Variants in NDUFC1 observed in about 807,000 individuals in gnomAD.
NDUFC1 encodes the protein NADH dehydrogenase [ubiquinone] 1 subunit C1, mitochondrial.
NDUFC1 carries 11 observed loss-of-function variants against 11.6 expected under a neutral mutation model. That is an observed-to-expected ratio of 0.95 (90% CI 0.60 to 1.58). NDUFC1 has a LOEUF of 1.58. Among genes scored for constraint, NDUFC1 ranks in the 40% most tolerant of loss-of-function variants. NDUFC1 has a pLI of 0.00. For missense variants in NDUFC1, 112 were observed against 93.0 expected (o/e 1.20, Z -0.84); for synonymous variants, 52 against 42.2 (o/e 1.23, Z -0.90).
chr4:139,298,540 G>C (rs909120866), intron 1 of NDUFC1, among the ~76,000 whole-genome samples: 2 of 151,496 alleles, frequency 1.3e-5, no homozygotes, highest in Non-Finnish European at 2.9e-5. Flanking sequence ...GATTGCTTAA[G>C]CCCAGGAGTT....
At chr4:139,301,978 C>G in intron 1 of NDUFC1, 1 of 842,374 alleles carries the variant, frequency 1.2e-6, no homozygotes, top group African/African-American at 1.7e-5. Flanking sequence ...CATTGCTTTG[C>G]TCCCTCTCTG....
Position 139,299,521 on chromosome 4 carries a change from T to G in NDUFC1, c.-221-2078A>C, listed in dbSNP as rs1745615678. On this transcript the variant is annotated intron_variant, in intron 1 of 5. Transcript: ENST00000394223. ...GCAGCAGCAGCGGCAGCATATAGCC[T>G]TGGATATGTTAACTTTCTGAAAGCA... Among the ~76,000 whole-genome samples, 3 of 152,202 alleles carry G rather than the reference T, an allele frequency of 2.0e-5. No homozygotes were observed. In the South Asian group the frequency reaches 6.2e-4, roughly 32 times the overall value.
At chr4:139,301,094 C>G (rs1260114509) in intron 1 of NDUFC1, 1 of 155,048 alleles carries the variant, frequency 6.4e-6, no homozygotes, top group Non-Finnish European at 1.4e-5. Flanking sequence ...TCCACTCCGC[C>G]TCTGCTCCTT....
At chr4:139,293,683 G>A (rs866047158) in intron 4 of NDUFC1, among the ~76,000 whole-genome samples, 1 of 152,152 alleles carries the variant, frequency 6.6e-6, no homozygotes, top group South Asian at 2.1e-4. Flanking sequence ...AAACCCATTA[G>A]ATAAAAAACA....
chr4:139,291,316 C>T (rs535412070), intron 5 of NDUFC1, among the ~76,000 whole-genome samples: 103 of 151,990 alleles, frequency 6.8e-4, no homozygotes, highest in African/African-American at 2.3e-3. Flanking sequence ...GTGGCTCACG[C>T]CTGTAATCCC....
At chr4:139,294,841 A>G (rs1468110085) in intron 4 of NDUFC1, among the ~76,000 whole-genome samples, 1 of 152,088 alleles carries the variant, frequency 6.6e-6, no homozygotes, top group African/African-American at 2.4e-5. Flanking sequence ...TACTTTTTCA[A>G]TGTTGCTGAA....
intron 1 of NDUFC1, 58 bp from the exon 2 acceptor site, chr4:139,297,501 G>A (rs534644660): frequency 2.0e-5 from 3 of 152,248 alleles, no homozygotes; most frequent in East Asian, 3.9e-4. Flanking sequence ...ATAATATTTT[G>A]TTAGAAGTTG....
At chr4:139,297,146 T>G (rs1157885049) in intron 2 of NDUFC1, among the ~76,000 whole-genome samples, 1 of 152,208 alleles carries the variant, frequency 6.6e-6, no homozygotes. Context: ...ACCTGTCAGT[T>G]GTATATCCTT....
intron 1 of NDUFC1, chr4:139,301,687 C>G: frequency 6.9e-7 from 1 of 1,443,780 alleles, no homozygotes; most frequent in South Asian, 1.3e-5. Flanking sequence ...ATATTCAAGG[C>G]TGAAGCAGCT....
chr4:139,292,469 T>C (rs1745268837), intron 5 of NDUFC1, 61 bp downstream of exon 5: 1 of 762,484 alleles, frequency 1.3e-6, no homozygotes, highest in South Asian at 2.3e-5. Flanking sequence ...TTTTTCAGTA[T>C]TTAAAAAAGA....
chr4:139,301,673 C>A, intron 1 of NDUFC1: 1 of 1,317,234 alleles, frequency 7.6e-7, no homozygotes, highest in South Asian at 1.4e-5. Context: ...GGCGGCGGAT[C>A]GAGATATTCA....
intron 1 of NDUFC1, chr4:139,301,373 C>A: frequency 4.8e-6 from 2 of 419,046 alleles, no homozygotes; most frequent in African/African-American, 4.1e-5. Flanking sequence ...CCCTCCCGGC[C>A]TCCACAGGCA....
chr4:139,292,480 G>C, intron 5 of NDUFC1, 50 bp downstream of exon 5: 1 of 878,188 alleles, frequency 1.1e-6, no homozygotes. Flanking sequence ...TTAAAAAAGA[G>C]GTCAAGTTAA....
chr4:139,295,764 C>A lies in NDUFC1; in HGVS notation c.35G>T (p.Arg12Leu). 6.4e-7 allele frequency: 1 copy of A among 1,552,876 alleles called. No individual in the cohort carries two copies. The highest frequency in any genetic ancestry group is 1.4e-5 in the African/African-American group (1 of 72,726). ...APSALLRPLS[R>L]LLAPARLPSG... ...CGGGAGCCTGGCGGGGGCCAGCAGCCGGGAAAGGGGACGCAGCAAGGCGGA... is the reference window on the plus strand; with the variant it reads ...CGGGAGCCTGGCGGGGGCCAGCAGCAGGGAAAGGGGACGCAGCAAGGCGGA... Residue 12 changes from arginine to leucine, a missense_variant, in exon 3 of 6, where the codon CGG becomes CTG. Transcript: ENST00000394223.
chr4:139,290,683 T>C (rs1426486578), intron 5 of NDUFC1, among the ~76,000 whole-genome samples: 5 of 151,898 alleles, frequency 3.3e-5, no homozygotes, highest in East Asian at 1.9e-4. Context: ...AGGATTAATA[T>C]AGGATTTTTA....
At chr4:139,293,698 T>A (rs1745325675) in intron 4 of NDUFC1, among the ~76,000 whole-genome samples, 1 of 152,004 alleles carries the variant, frequency 6.6e-6, no homozygotes, top group African/African-American at 2.4e-5. Flanking sequence ...AAAACAAAAT[T>A]TTAAATATTA....
At chr4:139,300,722 G>C (rs1480273677) in intron 1 of NDUFC1, 5 of 152,128 alleles carry the variant, frequency 3.3e-5, no homozygotes, top group Non-Finnish European at 7.3e-5. Flanking sequence ...TGGGGAGTTC[G>C]AGTCACAATA....
intron 1 of NDUFC1, chr4:139,301,326 T>A (rs6851954): frequency 5.8e-5 from 23 of 399,460 alleles, no homozygotes; most frequent in East Asian, 2.2e-4. Flanking sequence ...GCTTCGAGGG[T>A]ACCACGCACT....
In NDUFC1 at chr4:139,295,776, C is replaced by G. The variant is rs1463363007; in HGVS notation, c.23G>C (p.Arg8Pro). 1.9e-6 allele frequency: 3 copies of G among 1,548,574 alleles called. No homozygotes were observed. The highest frequency in any genetic ancestry group is 4.9e-5 in the East Asian group (2 of 40,588). Reference sequence around the variant, plus strand: ...GGGGGCCAGCAGCCGGGAAAGGGGACGCAGCAAGGCGGACGGCGCCATCTT... The same window carrying G: ...GGGGGCCAGCAGCCGGGAAAGGGGAGGCAGCAAGGCGGACGGCGCCATCTT... Reference protein sequence around the residue: MAPSALLRPLSRLLAPAR... With the variant: MAPSALLPPLSRLLAPAR... Residue 8 changes from arginine (R) to proline (P), a missense_variant, in exon 3 of 6, where the codon CGT becomes CCT. Arg to Pro is a moderately radical substitution (Grantham distance 103, BLOSUM62 -2). Transcript: ENST00000394223.
Sources: allele counts gnomAD v4.1 joint callset (sites outside exome capture counted in the v4.1 genomes callset), GRCh38; gene constraint gnomAD v4.1.1; transcripts MANE v1.5; gene names NCBI Gene and HGNC (gene_info 2026-07-23, HGNC 2026-07-21).